RCOR3: variants seen among roughly 807,000 people sequenced by gnomAD.
RCOR3 encodes REST corepressor 3.
A neutral mutation model predicts 64.1 loss-of-function variants in RCOR3; 13 were observed. That is an observed-to-expected ratio of 0.20 (90% CI 0.13 to 0.32). RCOR3 has a LOEUF of 0.32. Among genes scored for constraint, RCOR3 ranks in the 10% least tolerant of loss-of-function variants. The pLI is 1.00. For synonymous variants in RCOR3, 215 were observed against 239.0 expected, an observed-to-expected ratio of 0.90 and a Z score of 0.93; for missense variants, 489 against 701.2, an observed-to-expected ratio of 0.70 and a Z score of 3.42.
intron 3 of RCOR3, among the ~76,000 whole-genome samples, chr1:211,272,889 G>A (rs1696438363): frequency 6.6e-6 from 1 of 151,790 alleles, no homozygotes; most frequent in South Asian, 2.1e-4. Flanking sequence ...CCAAAGTGCT[G>A]GGATTACAGG....
chr1:211,267,574 C>G (rs1003193829), intron 2 of RCOR3, among the ~76,000 whole-genome samples: 1 of 152,108 alleles, frequency 6.6e-6, no homozygotes, highest in Non-Finnish European at 1.5e-5. Flanking sequence ...AATTACAATG[C>G]TAATAATGTT....
intron 7 of RCOR3, among the ~76,000 whole-genome samples, chr1:211,281,878 T>C (rs1697861086): frequency 6.6e-6 from 1 of 152,188 alleles, no homozygotes; most frequent in African/African-American, 2.4e-5. Context: ...CTCCCTGCCT[T>C]CCTGCGTGGT....
intron 9 of RCOR3, chr1:211,302,611 A>G (rs150039319): frequency 4.8e-4 from 73 of 152,334 alleles, no homozygotes; most frequent in African/African-American, 1.7e-3. Context: ...AAAAAAACTA[A>G]TTTCTACAGG....
At chr1:211,263,267 T>C (rs533040966) in intron 2 of RCOR3, among the ~76,000 whole-genome samples, 1 of 151,944 alleles carries the variant, frequency 6.6e-6, no homozygotes, top group Non-Finnish European at 1.5e-5. Context: ...TAATCCAGTC[T>C]ATCATTGTTG....
chr1:211,260,725 G>C (rs924174352), intron 2 of RCOR3, among the ~76,000 whole-genome samples: 1 of 152,006 alleles, frequency 6.6e-6, no homozygotes, highest in African/African-American at 2.4e-5. Flanking sequence ...GCGGAGTGCA[G>C]GAGCCGCGGA....
chr1:211,271,667 A>G, intron 3 of RCOR3: 1 of 399,954 alleles, frequency 2.5e-6, no homozygotes, highest in South Asian at 1.9e-5. Flanking sequence ...TCAAACTTCA[A>G]AGAGCCCACT....
chr1:211,263,895 A>G (rs566201340), intron 2 of RCOR3, among the ~76,000 whole-genome samples: 107 of 152,064 alleles, frequency 7.0e-4, no homozygotes, highest in African/African-American at 2.5e-3. Flanking sequence ...ATCTTGGCTC[A>G]CTGCAACCTC....
At chr1:211,270,760 A>G (rs1411879742) in intron 2 of RCOR3, among the ~76,000 whole-genome samples, 1 of 152,100 alleles carries the variant, frequency 6.6e-6, no homozygotes, top group South Asian at 2.1e-4. Context: ...AATATTTACT[A>G]TATGTAATGT....
chr1:211,259,620 C>T lies in RCOR3; in HGVS notation c.60C>T (p.Gly20=). The T allele has an allele frequency of 6.5e-7, 1 of 1,548,560 alleles. No individual in the cohort carries two copies. The highest frequency in any genetic ancestry group is 8.7e-7 in the Non-Finnish European group (1 of 1,146,024). Residue 20 remains glycine, a synonymous_variant, in exon 1 of 12, where the codon GGC becomes GGT. Coordinates refer to ENST00000419091, the MANE Select transcript of RCOR3 (RefSeq NM_001136223.3). ...TGGGGAAGAACCGATCGGCCAACGGCAGCGCCAAGAGCCCGGCAGGCGGCG... is the reference window on the plus strand; with the variant it reads ...TGGGGAAGAACCGATCGGCCAACGGTAGCGCCAAGAGCCCGGCAGGCGGCG... The part of the protein sequence containing the change: ...ELLGKNRSAN[G]SAKSPAGGGG...
At chr1:211,286,312 CTTT>C (rs11306768) in intron 7 of RCOR3, among the ~76,000 whole-genome samples, 16 of 122,946 alleles carry the variant, frequency 1.3e-4, no homozygotes, top group Non-Finnish European at 2.1e-4. Flanking sequence ...TATTTCTTTT[CTTT>C]TTTTTTTTTT....
chr1:211,275,541 G>C (rs1696842363), intron 4 of RCOR3, among the ~76,000 whole-genome samples: 1 of 152,154 alleles, frequency 6.6e-6, no homozygotes, highest in South Asian at 2.1e-4. Context: ...GAAAATAAAA[G>C]TTTGTGCCCT....
intron 9 of RCOR3, among the ~76,000 whole-genome samples, chr1:211,297,692 A>G (rs1287722951): frequency 6.6e-6 from 1 of 152,216 alleles, no homozygotes; most frequent in Non-Finnish European, 1.5e-5. Context: ...TTGAACTTAT[A>G]TGATATGAAA....
At chr1:211,276,930 C>CA (rs1697053934) in intron 5 of RCOR3, among the ~76,000 whole-genome samples, 1 of 151,660 alleles carries the variant, frequency 6.6e-6, no homozygotes, top group East Asian at 1.9e-4. Flanking sequence ...ACTAAAAATA[C>CA]AAAAAATTAG....
intron 2 of RCOR3, among the ~76,000 whole-genome samples, chr1:211,269,511 C>T (rs899683912): frequency 2.0e-5 from 3 of 151,700 alleles, no homozygotes; most frequent in African/African-American, 7.3e-5. Flanking sequence ...GCAGGAGAAT[C>T]GCTTGAACCT....
Position 211,298,498 on chromosome 1 carries a change from T to C in RCOR3, c.1017+2745T>C, listed in dbSNP as rs189078132. Among the ~76,000 whole-genome samples the C allele has an allele frequency of 1.3e-3, 191 of 152,326 alleles. 1 individual carries two copies. The highest frequency in any genetic ancestry group is 3.3e-3 in the Admixed American group (51 of 15,306). ...TCAACAGGTATTCCCTGAGCACTTA[T>C]TATGTGCTCATTATTGTGCTAATTA... On this transcript the variant is annotated intron_variant, in intron 9 of 11. Coordinates refer to ENST00000419091, the MANE Select transcript of RCOR3 (RefSeq NM_001136223.3).
intron 9 of RCOR3, among the ~76,000 whole-genome samples, chr1:211,297,448 T>A (rs2102614394): frequency 6.6e-6 from 1 of 152,288 alleles, no homozygotes; most frequent in South Asian, 2.1e-4. Flanking sequence ...GAGTCCTGAT[T>A]GGACTTCTAT....
Position 211,260,115 on chromosome 1 carries a change from G to A in RCOR3, c.174G>A (p.Gly58=), listed in dbSNP as rs773071229. The A allele has an allele frequency of 4.2e-5, 67 of 1,610,930 alleles. No homozygotes were observed. The Middle Eastern group carries it at 4.9e-4, about 12-fold the overall frequency. Residue 58 remains glycine (G), a synonymous_variant, in exon 2 of 12, where the codon GGG becomes GGA. Transcript: ENST00000419091. The part of the protein sequence containing the change: ...GCSSDDEHDV[G]MRVGAEYQAR... ...TTTGGCATTGCTTTGCAGATGTTGG[G>A]ATGAGAGTCGGAGCCGAATACCAAG...
intron 10 of RCOR3, among the ~76,000 whole-genome samples, chr1:211,309,507 T>C (rs992320176): frequency 2.0e-5 from 3 of 152,240 alleles, no homozygotes; most frequent in East Asian, 1.9e-4. Context: ...ATTGTAACTT[T>C]CAAATGAAAT....
At chr1:211,307,135 TA>T (rs1055942211) in intron 10 of RCOR3, among the ~76,000 whole-genome samples, 11 of 152,232 alleles carry the variant, frequency 7.2e-5, no homozygotes, top group African/African-American at 1.2e-4. Context: ...ATAATGCTTT[TA>T]GAAGTTATCC....
Sources: allele counts gnomAD v4.1 joint callset (sites outside exome capture counted in the v4.1 genomes callset), GRCh38; gene constraint gnomAD v4.1.1; transcripts MANE v1.5; gene names NCBI Gene and HGNC (gene_info 2026-07-23, HGNC 2026-07-21).